Variants in UMODL1 observed in about 807,000 individuals in gnomAD.
UMODL1 encodes uromodulin-like 1.
UMODL1 carries 128 observed loss-of-function variants against 136.3 expected under a neutral mutation model. That is an observed-to-expected ratio of 0.94 (90% confidence interval 0.81 to 1.09). UMODL1 has a LOEUF of 1.09. Among genes scored for constraint, UMODL1 ranks in the 50% least tolerant of loss-of-function variants. The probability of loss-of-function intolerance (pLI) is 0.00; values close to 1 mark genes in which losing one functional copy is unlikely to be tolerated. For missense variants in UMODL1, 1,766 were observed against 1,725.6 expected, an observed-to-expected ratio of 1.02 and a Z score of -0.41; for synonymous variants, 721 against 720.0, an observed-to-expected ratio of 1.00 and a Z score of -0.02.
chr21:42,093,418 T>C (rs1453652264), intron 6 of UMODL1: 1 of 153,488 alleles, frequency 6.5e-6, no homozygotes, highest in African/African-American at 2.4e-5. Context: ...GAGGTCTCAC[T>C]GAGTAGCCCA....
chr21:42,094,161 A>G, intron 6 of UMODL1: 1 of 353,062 alleles, frequency 2.8e-6, no homozygotes, highest in Admixed American at 3.7e-5. Flanking sequence ...GTCAGGATAC[A>G]GGGCCGCTCG....
chr21:42,093,227 T>TA (rs397812721), intron 6 of UMODL1, among the ~76,000 whole-genome samples: 1 of 151,984 alleles, frequency 6.6e-6, no homozygotes, highest in Non-Finnish European at 1.5e-5. Context: ...GTTTGTTTTT[T>TA]ATAGAGACAG....
At chr21:42,102,376 T>C (rs2066647258) in intron 8 of UMODL1, 98 bp downstream of exon 8, 1 of 942,920 alleles carries the variant, frequency 1.1e-6, no homozygotes, top group East Asian at 2.5e-5. Context: ...CCTCTGGGAT[T>C]GTGGCAAAAA....
upstream of UMODL1, chr21:42,071,307 C>T: frequency 6.4e-7 from 1 of 1,572,714 alleles, no homozygotes; most frequent in Non-Finnish European, 8.6e-7. Flanking sequence ...ACTGCCACCA[C>T]TGCCGGACGA....
At chr21:42,083,943 C>T (rs2146437639) in intron 2 of UMODL1, 141 bp from the exon 3 acceptor site, 2 of 1,031,638 alleles carry the variant, frequency 1.9e-6, no homozygotes, top group African/African-American at 1.6e-5. Flanking sequence ...GGTGTCTGCC[C>T]AGGCATGGGG....
At chr21:42,136,464 C>G (rs1434100709) in intron 21 of UMODL1, among the ~76,000 whole-genome samples, 1 of 152,196 alleles carries the variant, frequency 6.6e-6, no homozygotes, top group Non-Finnish European at 1.5e-5. Flanking sequence ...GCCTCTTGGG[C>G]CTGGCTTCCT....
chr21:42,092,633 G>T (rs1343990231), intron 6 of UMODL1, among the ~76,000 whole-genome samples: 12 of 152,300 alleles, frequency 7.9e-5, no homozygotes. Flanking sequence ...GGGTTACAGG[G>T]AATCTCTTTA....
chr21:42,116,321 T>A (rs1477472962), intron 14 of UMODL1, among the ~76,000 whole-genome samples: 4 of 151,184 alleles, frequency 2.6e-5, no homozygotes, highest in African/African-American at 9.8e-5. Context: ...GCCACTGCAC[T>A]CTAGCCTGGA....
Position 42,137,512 on chromosome 21 carries a change from G to T in UMODL1, c.3849G>T (p.Leu1283=). The T allele has an allele frequency of 6.2e-7, 1 of 1,614,258 alleles. No homozygotes were observed. Among genetic ancestry groups the T allele is most frequent in the Non-Finnish European group, 8.5e-7 (1 of 1,180,056 alleles). The part of the protein sequence containing the change: ...VVLIVVAIFV[L]VAGTATLLIV... ...TTATTGTGGTGGCCATCTTCGTGCT[G>T]GTGGCGGGAACAGCCACCCTTCTGA... The change falls in exon 22 of 23, where the codon CTG becomes CTT. Residue 1283 remains leucine (L), a synonymous_variant. Coordinates refer to ENST00000408910, the MANE Select transcript of UMODL1 (RefSeq NM_001004416.3).
At chr21:42,108,876 CG>C (rs56787841) in intron 9 of UMODL1, among the ~76,000 whole-genome samples, 7,462 of 88,096 alleles carry the variant, frequency 0.085, 422 homozygotes, top group African/African-American at 0.13. Flanking sequence ...ACCCCACCCC[CG>C]GCGTGGGAAG....
intron 1 of UMODL1, among the ~76,000 whole-genome samples, chr21:42,075,184 G>A (rs1248990658): frequency 6.6e-6 from 1 of 151,934 alleles, no homozygotes. Flanking sequence ...TTACAGGCAT[G>A]AGCCACCGCG....
chr21:42,102,810 T>G (rs2066653413), intron 8 of UMODL1: 1 of 152,412 alleles, frequency 6.6e-6, no homozygotes, highest in African/African-American at 2.4e-5. Context: ...AACTAACAAG[T>G]GAGTCTGCCA....
In UMODL1 at chr21:42,127,783, C is replaced by T; in HGVS notation, c.3642C>T (p.His1214=). The T allele has an allele frequency of 6.2e-7, 1 of 1,614,220 alleles. No homozygotes were observed. The highest frequency in any genetic ancestry group is 1.1e-5 in the South Asian group (1 of 91,070). Reference sequence around the variant, plus strand: ...TCAACGACTCCATCGTCTACCTGCACTGCAAACTCCGCGTCTGCATGGAAT... The same window carrying T: ...TCAACGACTCCATCGTCTACCTGCATTGCAAACTCCGCGTCTGCATGGAAT... ...SFINDSIVYL[H]CKLRVCMESP... is the part of the protein sequence containing the mutation. The change falls in exon 20 of 23, where the codon CAC becomes CAT. Residue 1214 remains histidine (H), a synonymous_variant. Coordinates refer to ENST00000408910, the MANE Select transcript of UMODL1 (RefSeq NM_001004416.3).
intron 5 of UMODL1, among the ~76,000 whole-genome samples, chr21:42,089,244 AG>A (rs2066463184): frequency 6.6e-6 from 1 of 152,138 alleles, no homozygotes; most frequent in African/African-American, 2.4e-5. Flanking sequence ...GCTTTGCAGG[AG>A]GGTGGCTGCC....
chr21:42,126,224 T>C (rs1382151243), intron 17 of UMODL1, 121 bp from the exon 18 acceptor site: 10 of 1,431,438 alleles, frequency 7.0e-6, no homozygotes, highest in Non-Finnish European at 9.4e-6. Context: ...ATCTCGATGC[T>C]GCTGGGGAGA....
chr21:42,111,171 A>G, intron 11 of UMODL1, 50 bp downstream of exon 11: 1 of 1,580,576 alleles, frequency 6.3e-7, no homozygotes, highest in Non-Finnish European at 8.6e-7. Flanking sequence ...AGCCCCAGCC[A>G]GGTGAACCCC....
chr21:42,142,215 C>T lies in UMODL1; in HGVS notation c.*141C>T, dbSNP rs992658081. On this transcript the variant is annotated 3_prime_UTR_variant, in exon 23 of 23. Coordinates refer to ENST00000408910, the MANE Select transcript of UMODL1 (RefSeq NM_001004416.3). ...CGGTTCTTAACTCTTCAAGCCTTAA[C>T]GGAGGTCTGCTCTGACGGGTGGGCT... The T allele has an allele frequency of 4.6e-5, 7 of 152,218 alleles. No individual in the cohort carries two copies. Among genetic ancestry groups the T allele is most frequent in the Admixed American group, 2.0e-4 (3 of 15,282 alleles). The allele number at this position is 152,218 out of a possible 1,614,324, so 9.4% of individuals were successfully genotyped here.
chr21:42,121,848 T>C (rs933040381), intron 16 of UMODL1, among the ~76,000 whole-genome samples: 1 of 151,932 alleles, frequency 6.6e-6, no homozygotes, highest in African/African-American at 2.4e-5. Context: ...TTCCTGGAAG[T>C]GGTGTCTTGA....
chr21:42,120,055 T>A (rs2066950029), intron 15 of UMODL1, among the ~76,000 whole-genome samples: 1 of 152,246 alleles, frequency 6.6e-6, no homozygotes, highest in Non-Finnish European at 1.5e-5. Context: ...ACGAAAGCTC[T>A]ACACAGACAA....
Sources: allele counts gnomAD v4.1 joint callset (sites outside exome capture counted in the v4.1 genomes callset), GRCh38; gene constraint gnomAD v4.1.1; transcripts MANE v1.5; gene names NCBI Gene and HGNC (gene_info 2026-07-23, HGNC 2026-07-21).